Variants in LHFPL3 observed in about 807,000 individuals in gnomAD.
LHFPL3 encodes LHFPL tetraspan subfamily member 3 protein.
Under a neutral mutation model 19.3 loss-of-function variants are expected in LHFPL3, and 5 were observed. The observed-to-expected ratio is 0.26, with a 90% confidence interval of 0.14 to 0.54. LHFPL3 has a LOEUF of 0.54. Among genes scored for constraint, LHFPL3 ranks in the 20% least tolerant of loss-of-function variants. LHFPL3 has a pLI of 0.94. For missense variants in LHFPL3, 249 were observed against 307.4 expected (o/e 0.81, Z 1.42); for synonymous variants, 133 against 126.2 (o/e 1.05, Z -0.36).
intron 2 of LHFPL3, among the ~76,000 whole-genome samples, chr7:104,806,173 C>T (rs978744471): frequency 2.0e-4 from 30 of 152,192 alleles, no homozygotes; most frequent in Admixed American, 1.8e-3. Context: ...GGGAAGCTCA[C>T]TCATCTTTAT....
At chr7:104,732,263 CT>C (rs1263871858) in intron 1 of LHFPL3, among the ~76,000 whole-genome samples, 1 of 152,204 alleles carries the variant, frequency 6.6e-6, no homozygotes, top group Non-Finnish European at 1.5e-5. Flanking sequence ...AGGATTCCCT[CT>C]TTTTCTATTG....
At chr7:104,538,203 C>T (rs935929900) in intron 1 of LHFPL3, among the ~76,000 whole-genome samples, 1 of 152,178 alleles carries the variant, frequency 6.6e-6, no homozygotes, top group African/African-American at 2.4e-5. Context: ...CCCTTCTATT[C>T]CACAATGGCA....
intron 2 of LHFPL3, among the ~76,000 whole-genome samples, chr7:104,770,603 C>T (rs1245285077): frequency 1.3e-5 from 2 of 152,202 alleles, no homozygotes; most frequent in African/African-American, 4.8e-5. Flanking sequence ...CACAGAACCT[C>T]TCTGGGAATG....
intron 1 of LHFPL3, among the ~76,000 whole-genome samples, chr7:104,521,523 A>C (rs1451282131): frequency 3.5e-4 from 53 of 151,998 alleles, no homozygotes; most frequent in South Asian, 2.9e-3. Context: ...GCAACAAAAG[A>C]CAAAATTGAC....
chr7:104,380,405 G>C (rs17137144), intron 1 of LHFPL3, among the ~76,000 whole-genome samples: 1 of 152,022 alleles, frequency 6.6e-6, no homozygotes, highest in Non-Finnish European at 1.5e-5. Context: ...GAAGATTCAA[G>C]AACAAATAGA....
intron 1 of LHFPL3, among the ~76,000 whole-genome samples, chr7:104,410,948 G>A (rs779502820): frequency 1.3e-5 from 2 of 152,168 alleles, no homozygotes; most frequent in Non-Finnish European, 2.9e-5. Context: ...GAATTGTACA[G>A]GAAAACAGGA....
intron 1 of LHFPL3, among the ~76,000 whole-genome samples, chr7:104,648,695 A>G (rs1791974253): frequency 6.6e-6 from 1 of 152,162 alleles, no homozygotes; most frequent in African/African-American, 2.4e-5. Context: ...CAGCACTGAG[A>G]TAAGTGCTGG....
intron 1 of LHFPL3, among the ~76,000 whole-genome samples, chr7:104,413,691 C>T (rs1453988326): frequency 6.6e-6 from 1 of 152,186 alleles, no homozygotes; most frequent in African/African-American, 2.4e-5. Context: ...TGTCCCTCAC[C>T]TCCAGTGAAG....
At position 104,512,835 on chromosome 7, in the gene LHFPL3, A is replaced by G. The variant is rs948982515; in HGVS notation, c.445+183611A>G. Among the ~76,000 whole-genome samples the G allele has an allele frequency of 4.6e-5, 7 of 152,290 alleles. No individual in the cohort carries two copies. In the South Asian group the frequency reaches 1.4e-3, roughly 32 times the overall value. ...GTATCACAGAAGGCTTACCAGTGAG[A>G]TGATGCTTGAGTTATATCTTGGAGG... On this transcript the variant is annotated intron_variant, in intron 1 of 2. Transcript: ENST00000424859.
intron 2 of LHFPL3, among the ~76,000 whole-genome samples, chr7:104,901,734 ATT>A (rs1472820061): frequency 6.6e-6 from 1 of 151,108 alleles, no homozygotes; most frequent in African/African-American, 2.4e-5. Context: ...CACCTGGCTA[ATT>A]TTTTTTTATT....
At chr7:104,418,840 A>G (rs983788743) in intron 1 of LHFPL3, among the ~76,000 whole-genome samples, 1 of 152,220 alleles carries the variant, frequency 6.6e-6, no homozygotes, top group East Asian at 1.9e-4. Context: ...CATTATTAGT[A>G]TTCTAGCTAA....
chr7:104,512,328 AT>A (rs1344897106), intron 1 of LHFPL3, among the ~76,000 whole-genome samples: 1 of 151,926 alleles, frequency 6.6e-6, no homozygotes, highest in Non-Finnish European at 1.5e-5. Context: ...TTTATCAGAT[AT>A]TTTTTTGTGT....
At chr7:104,668,360 T>C (rs1792401094) in intron 1 of LHFPL3, 4 of 1,594,002 alleles carry the variant, frequency 2.5e-6, no homozygotes, top group African/African-American at 2.7e-5. Context: ...CTCGTCCTGC[T>C]ACAGACACCT....
chr7:104,820,427 A>G (rs1392293879), intron 2 of LHFPL3, among the ~76,000 whole-genome samples: 7 of 152,164 alleles, frequency 4.6e-5, no homozygotes, highest in African/African-American at 1.7e-4. Context: ...TCATAAGCCA[A>G]CCATGCCTTG....
chr7:104,701,544 G>C (rs1177911194), intron 1 of LHFPL3, among the ~76,000 whole-genome samples: 1 of 152,146 alleles, frequency 6.6e-6, no homozygotes, highest in Admixed American at 6.5e-5. Flanking sequence ...TCATTCTAAA[G>C]GTCTTTATGT....
chr7:104,335,325 A>G (rs1251244453), intron 1 of LHFPL3, among the ~76,000 whole-genome samples: 3 of 152,206 alleles, frequency 2.0e-5, no homozygotes, highest in African/African-American at 7.2e-5. Context: ...AGGAAAGGAT[A>G]CCTACAGCCA....
At chr7:104,814,707 A>G (rs1434762617) in intron 2 of LHFPL3, among the ~76,000 whole-genome samples, 1 of 152,158 alleles carries the variant, frequency 6.6e-6, no homozygotes, top group Non-Finnish European at 1.5e-5. Context: ...TCTCACCCTC[A>G]GCTTTCCTCC....
At chr7:104,425,255 A>G (rs531120083) in intron 1 of LHFPL3, among the ~76,000 whole-genome samples, 1 of 152,226 alleles carries the variant, frequency 6.6e-6, no homozygotes, top group East Asian at 1.9e-4. Flanking sequence ...GGGTGGGGGT[A>G]TCCCAGTTAT....
chr7:104,831,892 G>A (rs1041959549), intron 2 of LHFPL3, among the ~76,000 whole-genome samples: 1 of 151,922 alleles, frequency 6.6e-6, no homozygotes, highest in Non-Finnish European at 1.5e-5. Flanking sequence ...TAAATGGAGG[G>A]TTAATAATAC....
Sources: gnomAD v4.1 joint callset for allele counts (sites outside exome capture counted in the v4.1 genomes callset) on GRCh38, gnomAD v4.1.1 for gene constraint, MANE v1.5 for transcripts, NCBI Gene and HGNC (gene_info 2026-07-23, HGNC 2026-07-21) for gene names.